The following LRRIQ4 variants were observed in gnomAD, a reference collection of about 807,000 sequenced individuals.
LRRIQ4 encodes the protein leucine rich repeats and IQ motif containing 4.
Under a neutral mutation model 40.1 loss-of-function variants are expected in LRRIQ4, and 21 were observed. That is an observed-to-expected ratio of 0.52 (90% CI 0.37 to 0.75). LRRIQ4 has a LOEUF of 0.75. Ranked by LOEUF, LRRIQ4 falls within the 30% of genes least tolerant of loss-of-function variation. The pLI is 0.00. For missense variants in LRRIQ4, 655 were observed against 660.0 expected (o/e 0.99, Z 0.08); for synonymous variants, 277 against 277.1 (o/e 1.00, Z 0.00).
At chr3:169,829,301 C>G (rs1780110813) in intron 3 of LRRIQ4, among the ~76,000 whole-genome samples, 1 of 152,112 alleles carries the variant, frequency 6.6e-6, no homozygotes, top group Non-Finnish European at 1.5e-5. Context: ...TGCTGGGAGC[C>G]TACATTTTGG....
chr3:169,827,594 G>A (rs1780068916), intron 2 of LRRIQ4, among the ~76,000 whole-genome samples: 2 of 134,910 alleles, frequency 1.5e-5, no homozygotes, highest in African/African-American at 5.8e-5. Flanking sequence ...GCGGCAGAGC[G>A]AGACTCCGTC....
intron 5 of LRRIQ4, among the ~76,000 whole-genome samples, chr3:169,837,267 G>A (rs990270502): frequency 6.6e-6 from 1 of 152,212 alleles, no homozygotes; most frequent in Non-Finnish European, 1.5e-5. Context: ...GTCTAGAACA[G>A]GCACTGGCAC....
intron 1 of LRRIQ4, 52 bp downstream of exon 1, chr3:169,813,098 A>C (rs1323121057): frequency 6.5e-6 from 1 of 152,882 alleles, no homozygotes; most frequent in Non-Finnish European, 1.5e-5. Flanking sequence ...GGGCAGGGCC[A>C]GATCCACATG....
intron 2 of LRRIQ4, among the ~76,000 whole-genome samples, chr3:169,824,442 G>A (rs2108269202): frequency 6.6e-6 from 1 of 152,096 alleles, no homozygotes. Context: ...GGGCAGTTGG[G>A]CACGCGTGGG....
rs779690249 is a variant in LRRIQ4 at position 169,833,084 on chromosome 3, T to G, written c.1431T>G (p.Asn477Lys). The change falls in exon 5 of 6, where the codon AAT (asparagine) becomes AAG (lysine). Residue 477 changes from asparagine to lysine, a missense_variant. Transcript: ENST00000340806. ...TTAAGGTTCTGACACTGATGGACAA[T>G]CCCATGGAAGAACCCCCAAAAGAAG... is the stretch of plus-strand genomic sequence containing the variant. ...VNLKVLTLMDNPMEEPPKEVC... is the reference protein window; with the variant it reads ...VNLKVLTLMDKPMEEPPKEVC... The G allele has an allele frequency of 6.2e-7, 1 of 1,613,778 alleles. No individual in the cohort carries two copies. The highest frequency in any genetic ancestry group is 8.5e-7 in the Non-Finnish European group (1 of 1,179,812).
At chr3:169,815,060 A>G (rs1779735982) in intron 1 of LRRIQ4, among the ~76,000 whole-genome samples, 1 of 152,232 alleles carries the variant, frequency 6.6e-6, no homozygotes, top group Non-Finnish European at 1.5e-5. Flanking sequence ...ATTTTAATTT[A>G]GGTAATGTGA....
intron 3 of LRRIQ4, 29 bp downstream of exon 3, chr3:169,828,961 A>G (rs1453095928): frequency 6.3e-7 from 1 of 1,578,096 alleles, no homozygotes; most frequent in Admixed American, 1.9e-5. Context: ...GCAGGCTAAG[A>G]AGCACCTGTC....
Position 169,822,947 on chromosome 3 carries a change from G to T in LRRIQ4, c.1020+6G>T. On this transcript the variant is annotated splice_donor_region_variant and intron_variant, in intron 2 of 5. Coordinates refer to ENST00000340806, the MANE Select transcript of LRRIQ4 (RefSeq NM_001080460.3). ...ATGACAATAAAATAGGACAGGTACG[G>T]ATTCCTTTTCTGGCTGTCACTATGC... is the stretch of plus-strand genomic sequence containing the variant. The T allele has an allele frequency of 6.6e-7, 1 of 1,510,586 alleles. No homozygotes were observed. Among genetic ancestry groups the T allele is most frequent in the South Asian group, 1.4e-5 (1 of 73,684 alleles). The allele number at this position is 1,510,586 out of a possible 1,614,324, so 93.6% of individuals were successfully genotyped here.
At chr3:169,831,656 C>G (rs1166646522) in intron 4 of LRRIQ4, among the ~76,000 whole-genome samples, 1 of 150,174 alleles carries the variant, frequency 6.7e-6, no homozygotes, top group Non-Finnish European at 1.5e-5. Flanking sequence ...AAGCTGATGC[C>G]TACTCATAAG....
At chr3:169,831,446 T>A (rs1780174248) in intron 4 of LRRIQ4, among the ~76,000 whole-genome samples, 1 of 33,466 alleles carries the variant, frequency 3.0e-5, no homozygotes, top group African/African-American at 2.1e-4. Flanking sequence ...GCTAATTTTT[T>A]TTTTTTTTTT....
chr3:169,814,402 G>C (rs182612357), intron 1 of LRRIQ4, among the ~76,000 whole-genome samples: 2 of 152,286 alleles, frequency 1.3e-5, no homozygotes, highest in Non-Finnish European at 2.9e-5. Context: ...TCAATGTCCA[G>C]CCACCTGTGT....
At chr3:169,813,120 G>A in intron 1 of LRRIQ4, 74 bp downstream of exon 1, 1 of 152,932 alleles carries the variant, frequency 6.5e-6, no homozygotes, top group Non-Finnish European at 1.5e-5. Context: ...GTTACTAAAA[G>A]GCCAGGGGTT....
At chr3:169,817,863 T>C (rs6787407) in intron 1 of LRRIQ4, among the ~76,000 whole-genome samples, 41 of 152,294 alleles carry the variant, frequency 2.7e-4, no homozygotes, top group African/African-American at 8.7e-4. Flanking sequence ...AGATCGATCA[T>C]TGGGTCTTGT....
intron 2 of LRRIQ4, 36 bp from the exon 3 acceptor site, chr3:169,828,723 C>A (rs1217933100): frequency 1.3e-6 from 2 of 1,586,266 alleles, no homozygotes; most frequent in Non-Finnish European, 1.7e-6. Flanking sequence ...TAAAAATAAT[C>A]TTGACCTGAA....
At chr3:169,835,364 CTGTGTG>C (rs149888477) in intron 5 of LRRIQ4, among the ~76,000 whole-genome samples, 7 of 146,508 alleles carry the variant, frequency 4.8e-5, no homozygotes, top group South Asian at 2.2e-4. Flanking sequence ...TTGTCTTTTT[CTGTGTG>C]TGTGTGTGTG....
chr3:169,827,523 C>T (rs1469770965), intron 2 of LRRIQ4, among the ~76,000 whole-genome samples: 2 of 141,682 alleles, frequency 1.4e-5, no homozygotes, highest in Non-Finnish European at 3.0e-5. Flanking sequence ...AGGAGAATGG[C>T]GTGAACCCGG....
chr3:169,830,583 G>A lies in LRRIQ4; in HGVS notation c.1286G>A (p.Arg429Gln), dbSNP rs774922199. 69 of 1,613,534 alleles carry A rather than the reference G, an allele frequency of 4.3e-5. No individual in the cohort carries two copies. The highest frequency in any genetic ancestry group is 5.0e-5 in the Admixed American group (3 of 59,958). The change falls in exon 4 of 6, where the codon CGG (arginine) becomes CAG (glutamine). Residue 429 changes from arginine to glutamine, a missense_variant. Coordinates refer to ENST00000340806, the MANE Select transcript of LRRIQ4 (RefSeq NM_001080460.3). Reference sequence around the variant, plus strand: ...CCTAACCTAGAAGTTCTTGATTGCCGGCACAATTTGCTTAAGCAACTTCCA... The same window carrying A: ...CCTAACCTAGAAGTTCTTGATTGCCAGCACAATTTGCTTAAGCAACTTCCA... ...SMPNLEVLDC[R>Q]HNLLKQLPDA...
intron 2 of LRRIQ4, among the ~76,000 whole-genome samples, chr3:169,824,561 G>A (rs1344725004): frequency 1.3e-5 from 2 of 151,994 alleles, no homozygotes; most frequent in Non-Finnish European, 2.9e-5. Context: ...CACCCAGGCT[G>A]GAGTGCAGTG....
intron 2 of LRRIQ4, among the ~76,000 whole-genome samples, chr3:169,826,066 T>G (rs988996309): frequency 3.3e-5 from 5 of 152,150 alleles, no homozygotes; most frequent in Admixed American, 1.3e-4. Context: ...TGTACCTAGA[T>G]GGATTTTATT....
Sources: gnomAD v4.1 joint callset for allele counts (sites outside exome capture counted in the v4.1 genomes callset) on GRCh38, gnomAD v4.1.1 for gene constraint, MANE v1.5 for transcripts, NCBI Gene and HGNC (gene_info 2026-07-23, HGNC 2026-07-21) for gene names.